The following NEDD4L variants were observed in gnomAD, a reference collection of about 807,000 sequenced individuals.
NEDD4L encodes the protein E3 ubiquitin-protein ligase NEDD4-like.
A neutral mutation model predicts 148.9 loss-of-function variants in NEDD4L; 54 were observed. The ratio of observed to expected loss-of-function variants is 0.36; its 90% CI spans 0.29 to 0.45. The LOEUF is 0.45. Ranked by LOEUF, NEDD4L falls within the 20% of genes least tolerant of loss-of-function variation. NEDD4L has a pLI of 1.00. For synonymous variants in NEDD4L, 433 were observed against 440.7 expected (o/e 0.98, Z 0.22); for missense variants, 856 against 1,233.8 (o/e 0.69, Z 4.59).
intron 1 of NEDD4L, among the ~76,000 whole-genome samples, chr18:58,111,632 A>G (rs1257530743): frequency 6.6e-6 from 1 of 152,180 alleles, no homozygotes; most frequent in East Asian, 1.9e-4. Context: ...TTTATTGGTC[A>G]AATACTAGTC....
At chr18:58,158,569 G>A (rs1439976103) in intron 1 of NEDD4L, among the ~76,000 whole-genome samples, 6 of 152,146 alleles carry the variant, frequency 3.9e-5, no homozygotes, top group Non-Finnish European at 8.8e-5. Context: ...CCATTACCCA[G>A]TAGAAGTTGA....
chr18:58,066,733 C>A (rs1022198639), intron 1 of NEDD4L, among the ~76,000 whole-genome samples: 5 of 152,042 alleles, frequency 3.3e-5, no homozygotes, highest in African/African-American at 1.2e-4. Context: ...TCTGGGGAGG[C>A]CTCAGGAAAC....
chr18:58,134,069 T>A (rs1278011876), intron 1 of NEDD4L, among the ~76,000 whole-genome samples: 1 of 152,192 alleles, frequency 6.6e-6, no homozygotes, highest in Non-Finnish European at 1.5e-5. Context: ...GGCATGATCC[T>A]GGCTCACCGC....
intron 1 of NEDD4L, among the ~76,000 whole-genome samples, chr18:58,073,711 T>C (rs2083011393): frequency 1.3e-5 from 2 of 151,890 alleles, no homozygotes; most frequent in Admixed American, 1.3e-4. Context: ...GAGGGGAGAA[T>C]AGGGTGTGAT....
chr18:58,243,356 G>T (rs150927663), intron 2 of NEDD4L, among the ~76,000 whole-genome samples: 29 of 152,304 alleles, frequency 1.9e-4, no homozygotes, highest in Admixed American at 7.2e-4. Context: ...ATAGATTGTG[G>T]CTGGAAATTG....
At position 58,236,749 on chromosome 18, in the gene NEDD4L, C is replaced by T. The variant is rs540917027; in HGVS notation, c.123-8678C>T. On this transcript the variant is annotated intron_variant, in intron 2 of 30. Transcript: ENST00000400345. Reference sequence around the variant, plus strand: ...CCTTAAATAATTGTCATTGGCTGGGCGCTGCGGCTCACGCCTGTAATCCCA... The same window carrying T: ...CCTTAAATAATTGTCATTGGCTGGGTGCTGCGGCTCACGCCTGTAATCCCA... Among the ~76,000 whole-genome samples, 19 of 152,124 alleles carry T rather than the reference C, an allele frequency of 1.2e-4. 1 individual carries two copies. In the South Asian group the frequency reaches 1.7e-3, roughly 13 times the overall value.
chr18:58,185,398 A>G (rs561439971), intron 2 of NEDD4L, among the ~76,000 whole-genome samples: 2 of 152,268 alleles, frequency 1.3e-5, no homozygotes, highest in African/African-American at 4.8e-5. Context: ...TCAACCCCAA[A>G]CTGGAGAAGC....
chr18:58,297,435 A>G (rs1460366488), intron 5 of NEDD4L, among the ~76,000 whole-genome samples: 3 of 152,226 alleles, frequency 2.0e-5, no homozygotes, highest in Admixed American at 6.5e-5. Context: ...ACAGAGATAC[A>G]TAAAACTCTG....
intron 2 of NEDD4L, among the ~76,000 whole-genome samples, chr18:58,220,803 C>G (rs73961533): frequency 6.6e-6 from 1 of 152,240 alleles, no homozygotes; most frequent in African/African-American, 2.4e-5. Flanking sequence ...TAGTGCCCAT[C>G]GCAGGCAGAG....
Position 58,213,450 on chromosome 18 carries a change from G to A in NEDD4L, c.123-31977G>A, listed in dbSNP as rs147632844. ...TCTATGAGAACTTGATGAATGAGAA[G>A]CAATGTGTAGAAAAATGTATAATAT... On this transcript the variant is annotated intron_variant, in intron 2 of 30. Coordinates refer to ENST00000400345, the MANE Select transcript of NEDD4L (RefSeq NM_001144967.3). Among the ~76,000 whole-genome samples, 28 of 152,334 alleles carry A rather than the reference G, an allele frequency of 1.8e-4. No individual in the cohort carries two copies. In the East Asian group the frequency reaches 5.2e-3, roughly 28 times the overall value.
intron 1 of NEDD4L, among the ~76,000 whole-genome samples, chr18:58,118,960 G>A (rs969715380): frequency 5.0e-5 from 7 of 141,308 alleles, no homozygotes; most frequent in Admixed American, 4.3e-4. Context: ...TACCTTTCTG[G>A]GTCTTGGATT....
At chr18:58,245,158 T>A (rs2047108107) in intron 2 of NEDD4L, among the ~76,000 whole-genome samples, 2 of 152,238 alleles carry the variant, frequency 1.3e-5, no homozygotes, top group Non-Finnish European at 2.9e-5. Flanking sequence ...TCTGTGTGCG[T>A]TTTAATCTTT....
At chr18:58,387,365 AGTTT>A in intron 26 of NEDD4L, 70 bp from the exon 27 acceptor site, 1 of 1,450,224 alleles carries the variant, frequency 6.9e-7, no homozygotes, top group East Asian at 2.5e-5. Flanking sequence ...TAACCAGAAA[AGTTT>A]GTTTTTCCTG....
At chr18:58,205,916 C>T (rs923811660) in intron 2 of NEDD4L, among the ~76,000 whole-genome samples, 1 of 152,144 alleles carries the variant, frequency 6.6e-6, no homozygotes, top group African/African-American at 2.4e-5. Flanking sequence ...GCCTCAGAAT[C>T]CTAGTGTCCT....
At chr18:58,096,146 A>C (rs1334033872) in intron 1 of NEDD4L, among the ~76,000 whole-genome samples, 1 of 151,998 alleles carries the variant, frequency 6.6e-6, no homozygotes, top group Non-Finnish European at 1.5e-5. Flanking sequence ...GGTAGAACCT[A>C]ATGTTAGTGT....
At chr18:58,210,079 T>G (rs1215155989) in intron 2 of NEDD4L, among the ~76,000 whole-genome samples, 3 of 152,090 alleles carry the variant, frequency 2.0e-5, no homozygotes, top group Non-Finnish European at 4.4e-5. Flanking sequence ...GGCAGGAGAA[T>G]TGCCCAAACC....
In NEDD4L at chr18:58,255,607, G is replaced by T. The variant is rs114099985; in HGVS notation, c.297+3553G>T. Reference sequence around the variant, plus strand: ...TGGCAGTGTCGGGCCTGTTGTTGCCGCTTGCCCTAGCCCTCCTGGCCCCCC... The same window carrying T: ...TGGCAGTGTCGGGCCTGTTGTTGCCTCTTGCCCTAGCCCTCCTGGCCCCCC... On this transcript the variant is annotated intron_variant, in intron 5 of 30. Coordinates refer to ENST00000400345, the MANE Select transcript of NEDD4L (RefSeq NM_001144967.3). The T allele has an allele frequency of 1.5e-3, 1,898 of 1,232,350 alleles. 25 individuals are homozygous for T. In the African/African-American group the frequency reaches 0.026, roughly 17 times the overall value. 76.3% of individuals were successfully genotyped at this position (1,232,350 alleles called of 1,614,324 possible).
chr18:58,131,071 A>G (rs1360873355), intron 1 of NEDD4L, among the ~76,000 whole-genome samples: 8 of 81,520 alleles, frequency 9.8e-5, no homozygotes, highest in East Asian at 8.7e-4. Flanking sequence ...GAACTGTGGC[A>G]GTGTTGGGCT....
intron 3 of NEDD4L, among the ~76,000 whole-genome samples, chr18:58,246,243 C>T (rs1386551453): frequency 1.3e-5 from 2 of 152,150 alleles, no homozygotes; most frequent in South Asian, 4.2e-4. Flanking sequence ...ATTTAAAATA[C>T]ATTTAATGAA....
Sources: allele counts gnomAD v4.1 joint callset (sites outside exome capture counted in the v4.1 genomes callset), GRCh38; gene constraint gnomAD v4.1.1; transcripts MANE v1.5; gene names NCBI Gene and HGNC (gene_info 2026-07-23, HGNC 2026-07-21).